The following DGKG variants were observed in gnomAD, a reference collection of about 807,000 sequenced individuals.
The protein encoded by DGKG is DAG kinase gamma.
Under a neutral mutation model 105.3 loss-of-function variants are expected in DGKG, and 78 were observed. The observed-to-expected ratio is 0.74, with a 90% CI of 0.62 to 0.89. The LOEUF (loss-of-function observed/expected upper bound fraction) is 0.89. Among genes scored for constraint, DGKG ranks in the 40% least tolerant of loss-of-function variants. DGKG has a pLI of 0.00. For missense variants in DGKG, 958 were observed against 1,020.1 expected (o/e 0.94, Z 0.83); for synonymous variants, 346 against 367.1 (o/e 0.94, Z 0.66).
At chr3:186,175,309 G>T (rs1265184524) in intron 22 of DGKG, among the ~76,000 whole-genome samples, 1 of 152,238 alleles carries the variant, frequency 6.6e-6, no homozygotes, top group African/African-American at 2.4e-5. Context: ...TGAGGCAAGA[G>T]AAAGTGTGAG....
At chr3:186,175,668 C>G (rs17294944) in intron 22 of DGKG, among the ~76,000 whole-genome samples, 1 of 151,838 alleles carries the variant, frequency 6.6e-6, no homozygotes, top group Non-Finnish European at 1.5e-5. Context: ...CTGGTGGTCC[C>G]GGTGAGGTCC....
rs1461090412 is a variant in DGKG, at chr3:186,149,969, TAGAGA to T, written c.*116_*120del. 9 of 1,449,440 alleles carry T rather than the reference TAGAGA, an allele frequency of 6.2e-6. No homozygotes were observed. The highest frequency in any genetic ancestry group is 2.9e-5 in the African/African-American group (2 of 69,518). 89.8% of individuals were successfully genotyped at this position (1,449,440 alleles called of 1,614,324 possible). A position where few individuals can be genotyped will look rare whatever the true frequency, so the allele number is the denominator to read the frequency against. On this transcript the variant is annotated 3_prime_UTR_variant, in exon 25 of 25. Transcript: ENST00000265022. ...GAAGGGTGGCTTTGCTTCCACTGGT[TAGAGA>T]AGAGTGTGTATGTGTGTGTGTGTGT...
intron 21 of DGKG, among the ~76,000 whole-genome samples, chr3:186,209,213 G>T (rs187526540): frequency 3.4e-5 from 5 of 148,192 alleles, no homozygotes; most frequent in Admixed American, 6.9e-5. Flanking sequence ...CGATTCTCCT[G>T]TCTCAGCCTC....
intron 2 of DGKG, chr3:186,313,425 A>G (rs1724656220): frequency 1.2e-6 from 1 of 868,296 alleles, no homozygotes; most frequent in Admixed American, 6.2e-5. Context: ...AATCACTGGT[A>G]TGACTTATTT....
At chr3:186,184,451 G>A (rs541154434) in intron 22 of DGKG, among the ~76,000 whole-genome samples, 43 of 152,220 alleles carry the variant, frequency 2.8e-4, no homozygotes, top group African/African-American at 1.0e-3. Flanking sequence ...CTTTGATGGA[G>A]TGCAGTGGTG....
rs192389038 is a variant in DGKG, at chr3:186,154,039, G to A, written c.2278-3851C>T. On this transcript the variant is annotated intron_variant, in intron 24 of 24. Coordinates refer to ENST00000265022, the MANE Select transcript of DGKG (RefSeq NM_001346.3). Reference sequence around the variant, plus strand: ...TTGAGCCTGGGAGGTCGAGGCGGCAGTGAGCCGTGTTCTCGCCACTGTACT... The same window carrying A: ...TTGAGCCTGGGAGGTCGAGGCGGCAATGAGCCGTGTTCTCGCCACTGTACT... Among the ~76,000 whole-genome samples, 192 of 152,332 alleles carry A rather than the reference G, an allele frequency of 1.3e-3. 2 individuals carry two copies. Among genetic ancestry groups the A allele is most frequent in the African/African-American group, 4.4e-3 (183 of 41,570 alleles).
At chr3:186,190,923 A>G (rs1317108590) in intron 21 of DGKG, among the ~76,000 whole-genome samples, 2 of 152,184 alleles carry the variant, frequency 1.3e-5, no homozygotes, top group South Asian at 2.1e-4. Flanking sequence ...TGGCTGCTCT[A>G]TCGGAGCTGC....
chr3:186,311,712 G>A (rs1724551988), intron 2 of DGKG, among the ~76,000 whole-genome samples: 1 of 152,162 alleles, frequency 6.6e-6, no homozygotes, highest in African/African-American at 2.4e-5. Context: ...TGGGACAGGG[G>A]TGCGTTCCAT....
chr3:186,268,782 G>T lies in DGKG; in HGVS notation c.1116+19C>A, dbSNP rs201956013. On this transcript the variant is annotated intron_variant, in intron 12 of 24. Transcript: ENST00000265022. ...AAAAACGTTGAAAAGAAGCAGGGCCGCCCTGGGCGCCAACCCACCGTCATC... is the reference window on the plus strand; with the variant it reads ...AAAAACGTTGAAAAGAAGCAGGGCCTCCCTGGGCGCCAACCCACCGTCATC... 1.1e-5 allele frequency: 17 copies of T among 1,572,538 alleles called. No individual in the cohort carries two copies. The highest frequency in any genetic ancestry group is 1.5e-5 in the Non-Finnish European group (17 of 1,143,970).
chr3:186,314,976 A>G (rs1449133609), intron 2 of DGKG, among the ~76,000 whole-genome samples: 6 of 152,022 alleles, frequency 3.9e-5, no homozygotes, highest in African/African-American at 1.2e-4. Context: ...CCACCCCCCA[A>G]TGGCCACCAG....
At position 186,203,495 on chromosome 3, in the gene DGKG, C is replaced by T. The variant is rs964625075; in HGVS notation, c.1917+8300G>A. ...AGGTTAGCCCACATATTAGGAGTAGCGGAAAGAAACCGATTAGGAGGAAGC... is the reference window on the plus strand; with the variant it reads ...AGGTTAGCCCACATATTAGGAGTAGTGGAAAGAAACCGATTAGGAGGAAGC... On this transcript the variant is annotated intron_variant, in intron 21 of 24. Coordinates refer to ENST00000265022, the MANE Select transcript of DGKG (RefSeq NM_001346.3). The surrounding 1 kb of genome is among the most constrained non-coding windows in gnomAD (Gnocchi z 4.9). 6.6e-6 allele frequency among the ~76,000 whole-genome samples: 1 copy of T among 152,054 alleles called. No homozygotes were observed. Among genetic ancestry groups the T allele is most frequent in the African/African-American group, 2.4e-5 (1 of 41,418 alleles).
Position 186,188,346 on chromosome 3 carries a change from A to G in DGKG, c.1951T>C (p.Phe651Leu). 6.2e-7 allele frequency: 1 copy of G among 1,614,100 alleles called. No homozygotes were observed. Among genetic ancestry groups the G allele is most frequent in the Non-Finnish European group, 8.5e-7 (1 of 1,180,012 alleles). The part of the protein sequence containing the change: ...DGVGVDLSNI[F>L]LEGIAILNIP... ...TTGAGAATGGCAATGCCTTCCAGGA[A>G]GATGTTGCTCAGGTCCACCCCAACC... Residue 651 changes from phenylalanine (F) to leucine (L), a missense_variant, in exon 22 of 25, where the codon TTC becomes CTC. Coordinates refer to ENST00000265022, the MANE Select transcript of DGKG (RefSeq NM_001346.3).
At chr3:186,230,598 C>T (rs1720105564) in intron 20 of DGKG, among the ~76,000 whole-genome samples, 1 of 152,018 alleles carries the variant, frequency 6.6e-6, no homozygotes, top group Non-Finnish European at 1.5e-5. Context: ...GGTGCTTGTG[C>T]AGCAGCAACA....
chr3:186,276,832 G>T (rs974685289), intron 9 of DGKG, among the ~76,000 whole-genome samples: 1 of 152,178 alleles, frequency 6.6e-6, no homozygotes, highest in Non-Finnish European at 1.5e-5. Flanking sequence ...GAGGATCGAT[G>T]GTCATGGATG....
intron 20 of DGKG, among the ~76,000 whole-genome samples, chr3:186,212,386 GC>G (rs1277147707): frequency 2.0e-5 from 3 of 152,312 alleles, no homozygotes; most frequent in South Asian, 2.1e-4. Context: ...GTGCTGCATT[GC>G]CCAGGCTCTG....
At chr3:186,350,498 C>T (rs1726577933) in intron 1 of DGKG, among the ~76,000 whole-genome samples, 1 of 152,184 alleles carries the variant, frequency 6.6e-6, no homozygotes, top group South Asian at 2.1e-4. Flanking sequence ...CATAAGGGAA[C>T]ATTTGGGTTG....
Position 186,361,354 on chromosome 3 carries a change from G to A in DGKG, c.-249+592C>T, listed in dbSNP as rs1164971126. On this transcript the variant is annotated intron_variant, in intron 1 of 24. Transcript: ENST00000265022. The surrounding 1 kb of genome is among the most constrained non-coding windows in gnomAD (Gnocchi z 6.8). ...CTCCTCAGGACACAAGCACACACAC[G>A]GACACATCTTGTGACTCTGAGACTA... Among the ~76,000 whole-genome samples, 1 of 151,928 alleles carries A rather than the reference G, an allele frequency of 6.6e-6. No homozygotes were observed. The highest frequency in any genetic ancestry group is 6.6e-5 in the Admixed American group (1 of 15,254).
In DGKG at chr3:186,211,899, C is replaced by T. The variant is rs1553802462; in HGVS notation, c.1827-14G>A. On this transcript the variant is annotated splice_polypyrimidine_tract_variant and intron_variant, in intron 20 of 24. Transcript: ENST00000265022. The stretch of plus-strand genomic sequence containing the variant: ...TTGTTCTTCATCCTGGACCACAAAG[C>T]AGAGAGATGTCTCAATATTCCATAC... 1 of 1,603,140 alleles carries T rather than the reference C, an allele frequency of 6.2e-7. No individual in the cohort carries two copies. Among genetic ancestry groups the T allele is most frequent in the Non-Finnish European group, 8.5e-7 (1 of 1,170,026 alleles).
At chr3:186,259,278 G>A (rs1220833276) in intron 16 of DGKG, among the ~76,000 whole-genome samples, 1 of 152,148 alleles carries the variant, frequency 6.6e-6, no homozygotes, top group Non-Finnish European at 1.5e-5. Flanking sequence ...GGTGAAGCTG[G>A]AGGACTGTCT....
Sources: gnomAD v4.1 joint callset for allele counts (sites outside exome capture counted in the v4.1 genomes callset) on GRCh38, gnomAD v4.1.1 for gene constraint, Gnocchi (gnomAD v3.1) non-coding constraint, MANE v1.5 for transcripts, NCBI Gene and HGNC (gene_info 2026-07-23, HGNC 2026-07-21) for gene names.